Variants in PRKG1 observed in about 807,000 individuals in gnomAD.
PRKG1 encodes the protein cGMP-dependent protein kinase 1.
Under a neutral mutation model 88.1 loss-of-function variants are expected in PRKG1, and 35 were observed. That is an observed-to-expected ratio of 0.40 (90% CI 0.30 to 0.53). The LOEUF is 0.53. PRKG1 is among the 20% of genes least tolerant of loss of function. PRKG1 has a pLI of 0.59. For missense variants in PRKG1, 540 were observed against 839.8 expected (o/e 0.64, Z 4.41); for synonymous variants, 303 against 292.5 (o/e 1.04, Z -0.37).
intron 1 of PRKG1, among the ~76,000 whole-genome samples, chr10:51,050,552 A>T (rs895999192): frequency 5.3e-5 from 8 of 152,116 alleles, no homozygotes; most frequent in African/African-American, 1.7e-4. Flanking sequence ...TTCTTTACCC[A>T]TTCATCCATC....
intron 4 of PRKG1, among the ~76,000 whole-genome samples, chr10:51,877,599 C>G (rs1841330769): frequency 2.0e-5 from 3 of 152,122 alleles, no homozygotes; most frequent in Admixed American, 2.0e-4. Flanking sequence ...CTTTATTACC[C>G]CAGCACTCAA....
rs190081004 is a variant in PRKG1 at position 51,581,846 on chromosome 10, T to C, written c.592+114010T>C. On this transcript the variant is annotated intron_variant, in intron 3 of 17. Transcript: ENST00000373980. ...CAGGAGCATTTCATCTTTTATTCCATAGCAATAGTTTCAGGGGGTCTCCCT... is the reference window on the plus strand; with the variant it reads ...CAGGAGCATTTCATCTTTTATTCCACAGCAATAGTTTCAGGGGGTCTCCCT... 5.5e-3 allele frequency among the ~76,000 whole-genome samples: 841 copies of C among 152,006 alleles called. 12 individuals are homozygous for C. The highest frequency in any genetic ancestry group is 0.032 in the Admixed American group (486 of 15,218).
intron 4 of PRKG1, among the ~76,000 whole-genome samples, chr10:51,809,764 C>T (rs1209213243): frequency 2.0e-5 from 3 of 152,156 alleles, no homozygotes; most frequent in South Asian, 4.1e-4. Flanking sequence ...GATATGCTCA[C>T]GTCATCCCTC....
chr10:51,938,945 T>G (rs939532397), intron 5 of PRKG1, among the ~76,000 whole-genome samples: 2 of 152,022 alleles, frequency 1.3e-5, no homozygotes, highest in African/African-American at 4.8e-5. Flanking sequence ...ATTTTTGCAG[T>G]GGACACTGAT....
At chr10:51,177,398 T>C (rs961081815) in intron 2 of PRKG1, among the ~76,000 whole-genome samples, 4 of 152,218 alleles carry the variant, frequency 2.6e-5, no homozygotes, top group Non-Finnish European at 4.4e-5. Context: ...AATATTTCAA[T>C]TTAATTACTT....
intron 3 of PRKG1, among the ~76,000 whole-genome samples, chr10:51,541,689 T>C (rs1842306964): frequency 6.6e-6 from 1 of 152,132 alleles, no homozygotes; most frequent in Non-Finnish European, 1.5e-5. Flanking sequence ...TTCTATAGTA[T>C]CCATTCCAAT....
At chr10:52,193,561 A>AC (rs1359391286) in intron 9 of PRKG1, among the ~76,000 whole-genome samples, 28 of 30,212 alleles carry the variant, frequency 9.3e-4, no homozygotes, top group Admixed American at 1.4e-3. Flanking sequence ...AAAAAAAAAA[A>AC]ACAAAAAAAA....
intron 3 of PRKG1, among the ~76,000 whole-genome samples, chr10:51,579,572 A>G (rs1464629681): frequency 6.6e-6 from 1 of 152,176 alleles, no homozygotes; most frequent in African/African-American, 2.4e-5. Flanking sequence ...TACCATATTT[A>G]CCAATTTTTA....
chr10:51,712,125 T>C lies in PRKG1; in HGVS notation c.593-92460T>C, dbSNP rs918194448. On this transcript the variant is annotated intron_variant, in intron 3 of 17. Coordinates refer to ENST00000373980, the MANE Select transcript of PRKG1 (RefSeq NM_006258.4). Reference sequence around the variant, plus strand: ...AATTTTATGCTAAGTTTGATGAAGATTGGATAGTCATGGAGAAATATGAAA... The same window carrying C: ...AATTTTATGCTAAGTTTGATGAAGACTGGATAGTCATGGAGAAATATGAAA... Among the ~76,000 whole-genome samples the C allele has an allele frequency of 2.0e-5, 3 of 152,272 alleles. No homozygotes were observed. The East Asian group carries it at 5.8e-4, about 29-fold the overall frequency.
At chr10:51,653,826 C>T (rs566159689) in intron 3 of PRKG1, among the ~76,000 whole-genome samples, 5 of 152,256 alleles carry the variant, frequency 3.3e-5, no homozygotes, top group African/African-American at 4.8e-5. Context: ...CCTTGGCATC[C>T]GAAAGTGCTA....
At chr10:52,062,381 G>A (rs193169567) in intron 6 of PRKG1, among the ~76,000 whole-genome samples, 156 bp from the exon 7 acceptor site, 53 of 152,264 alleles carry the variant, frequency 3.5e-4, no homozygotes, top group Non-Finnish European at 5.9e-4. Context: ...GGGAATTTGT[G>A]ATGTTGTTCT....
chr10:51,852,171 A>T (rs572706164), intron 4 of PRKG1, among the ~76,000 whole-genome samples: 2 of 149,304 alleles, frequency 1.3e-5, no homozygotes, highest in South Asian at 4.2e-4. Context: ...TATAACATAT[A>T]TGTTATATAT....
chr10:52,112,994 A>T lies in PRKG1; in HGVS notation c.936-20846A>T, dbSNP rs535833122. ...TGAATTTGCATCCATGCTGTGTGCC[A>T]CTCATCAGCTTTATGGCCTTGGGGA... On this transcript the variant is annotated intron_variant, in intron 7 of 17. Coordinates refer to ENST00000373980, the MANE Select transcript of PRKG1 (RefSeq NM_006258.4). Among the ~76,000 whole-genome samples the T allele has an allele frequency of 6.8e-4, 103 of 152,270 alleles. No homozygotes were observed. The South Asian group carries it at 0.013, about 19-fold the overall frequency.
At chr10:52,171,785 AATTTT>A (rs1838689280) in intron 9 of PRKG1, among the ~76,000 whole-genome samples, 3 of 122,640 alleles carry the variant, frequency 2.4e-5, no homozygotes, top group African/African-American at 1.1e-4. Context: ...CTTTTATCAA[AATTTT>A]TTTTTTTTTT....
At chr10:51,615,553 C>T (rs531008176) in intron 3 of PRKG1, among the ~76,000 whole-genome samples, 2 of 150,666 alleles carry the variant, frequency 1.3e-5, no homozygotes, top group South Asian at 2.1e-4. Context: ...TCAAAAGATG[C>T]GTCTTTACAT....
chr10:52,164,636 G>A (rs1838380352), intron 9 of PRKG1, among the ~76,000 whole-genome samples: 1 of 152,010 alleles, frequency 6.6e-6, no homozygotes, highest in Non-Finnish European at 1.5e-5. Context: ...TCTAATTAAA[G>A]AAGAAAGAAA....
At chr10:52,178,701 A>C (rs1838932084) in intron 9 of PRKG1, among the ~76,000 whole-genome samples, 1 of 152,128 alleles carries the variant, frequency 6.6e-6, no homozygotes, top group African/African-American at 2.4e-5. Context: ...ATAGATTTAC[A>C]GTTATATTAT....
chr10:51,633,359 T>C (rs1417260000), intron 3 of PRKG1, among the ~76,000 whole-genome samples: 1 of 152,128 alleles, frequency 6.6e-6, no homozygotes, highest in Non-Finnish European at 1.5e-5. Context: ...ATTTTCACCC[T>C]TTCTAACAGT....
rs148597974 is a variant in PRKG1, at chr10:51,621,126, T to G, written c.592+153290T>G. On this transcript the variant is annotated intron_variant, in intron 3 of 17. Transcript: ENST00000373980. ...TGTGTGTGTATATATATGCTGAAAT[T>G]CTACCATGCGTGATCCACGGCATTA... is the stretch of plus-strand genomic sequence containing the variant. Among the ~76,000 whole-genome samples, 331 of 151,096 alleles carry G rather than the reference T, an allele frequency of 2.2e-3. 1 individual carries two copies. Among genetic ancestry groups the G allele is most frequent in the Non-Finnish European group, 3.5e-3 (237 of 67,700 alleles).
Sources: allele counts gnomAD v4.1 joint callset (sites outside exome capture counted in the v4.1 genomes callset), GRCh38; gene constraint gnomAD v4.1.1; transcripts MANE v1.5; gene names NCBI Gene and HGNC (gene_info 2026-07-23, HGNC 2026-07-21).